FHIT: variants seen among roughly 807,000 people sequenced by gnomAD.
FHIT encodes fragile histidine triad diadenosine triphosphatase.
Under a neutral mutation model 17.9 loss-of-function variants are expected in FHIT, and 19 were observed. The observed-to-expected ratio is 1.06, with a 90% confidence interval of 0.74 to 1.56. FHIT has a LOEUF of 1.56. FHIT is among the 40% of genes most tolerant of loss of function. The probability of loss-of-function intolerance (pLI) is 0.00; values close to 1 mark genes in which losing one functional copy is unlikely to be tolerated. For synonymous variants in FHIT, 81 were observed against 69.7 expected (o/e 1.16, Z -0.81); for missense variants, 248 against 189.2 (o/e 1.31, Z -1.82).
At chr3:60,036,657 C>G (rs957268515) in intron 5 of FHIT, among the ~76,000 whole-genome samples, 4 of 152,158 alleles carry the variant, frequency 2.6e-5, no homozygotes, top group African/African-American at 9.7e-5. Flanking sequence ...CATTTCTTTT[C>G]CTCCTGGTCC....
At chr3:61,040,763 T>A (rs916298196) in intron 3 of FHIT, among the ~76,000 whole-genome samples, 1 of 152,192 alleles carries the variant, frequency 6.6e-6, no homozygotes, top group Non-Finnish European at 1.5e-5. Context: ...ATCCCATCCC[T>A]ATTCAGTTAT....
chr3:60,547,413 C>A (rs777493058), intron 4 of FHIT, among the ~76,000 whole-genome samples: 15 of 152,076 alleles, frequency 9.9e-5, no homozygotes, highest in Non-Finnish European at 1.9e-4. Flanking sequence ...TAATTGAACC[C>A]TACTCTCTCT....
chr3:60,443,535 T>C (rs977788343), intron 5 of FHIT, among the ~76,000 whole-genome samples: 1 of 152,198 alleles, frequency 6.6e-6, no homozygotes, highest in Non-Finnish European at 1.5e-5. Context: ...GATAATTATG[T>C]GGTTTTTGTC....
Position 61,154,045 on chromosome 3 carries a change from T to A in FHIT, c.-164+46572A>T, listed in dbSNP as rs1280249335. Among the ~76,000 whole-genome samples the A allele has an allele frequency of 2.6e-5, 4 of 152,228 alleles. No homozygotes were observed. The East Asian group carries it at 7.7e-4, about 29-fold the overall frequency. On this transcript the variant is annotated intron_variant, in intron 2 of 9. Coordinates refer to ENST00000492590, the MANE Select transcript of FHIT (RefSeq NM_002012.4). ...CCTCTGCTCCCAACTTGAAGAAATT[T>A]CAACTGCTCTATTCTTTCCACAACT...
At chr3:60,341,475 T>C (rs1710512804) in intron 5 of FHIT, among the ~76,000 whole-genome samples, 1 of 152,148 alleles carries the variant, frequency 6.6e-6, no homozygotes, top group Non-Finnish European at 1.5e-5. Flanking sequence ...ATGAGAAAAA[T>C]GTGTTTCTAT....
chr3:59,857,705 G>GTTTT (rs78150569), intron 8 of FHIT, among the ~76,000 whole-genome samples: 24 of 115,400 alleles, frequency 2.1e-4, no homozygotes, highest in African/African-American at 7.6e-4. Context: ...AAAGTGCTGG[G>GTTTT]TTTTTTTTTT....
At chr3:59,841,751 T>C (rs753858195) in intron 8 of FHIT, among the ~76,000 whole-genome samples, 5 of 152,122 alleles carry the variant, frequency 3.3e-5, no homozygotes, top group Non-Finnish European at 5.9e-5. Context: ...TTTAAAACTA[T>C]CTTTTTAATA....
intron 4 of FHIT, among the ~76,000 whole-genome samples, chr3:60,546,638 C>T (rs2036375472): frequency 6.6e-6 from 1 of 152,192 alleles, no homozygotes; most frequent in South Asian, 2.1e-4. Flanking sequence ...CCACCTGCTT[C>T]TTTTGAATCT....
intron 5 of FHIT, among the ~76,000 whole-genome samples, chr3:60,406,732 C>G (rs778564233): frequency 1.3e-5 from 2 of 152,068 alleles, no homozygotes; most frequent in Non-Finnish European, 2.9e-5. Flanking sequence ...TTTCCAGCAG[C>G]CCAACCATTC....
At chr3:60,290,386 A>T (rs1420721341) in intron 5 of FHIT, among the ~76,000 whole-genome samples, 1 of 152,038 alleles carries the variant, frequency 6.6e-6, no homozygotes, top group Non-Finnish European at 1.5e-5. Flanking sequence ...AATGACTGTG[A>T]CTTCATCCTT....
At position 60,873,953 on chromosome 3, in the gene FHIT, T is replaced by C. The variant is rs1704531541; in HGVS notation, c.-110-51942A>G. Among the ~76,000 whole-genome samples the C allele has an allele frequency of 3.9e-5, 6 of 152,274 alleles. No homozygotes were observed. In the South Asian group the frequency reaches 1.2e-3, roughly 32 times the overall value. ...AATTTGTCACTCCTAAGCAAGTGCCTATAGTAAAAATAAAATATCACTATT... is the reference window on the plus strand; with the variant it reads ...AATTTGTCACTCCTAAGCAAGTGCCCATAGTAAAAATAAAATATCACTATT... On this transcript the variant is annotated intron_variant, in intron 3 of 9. Transcript: ENST00000492590.
intron 5 of FHIT, among the ~76,000 whole-genome samples, chr3:60,123,524 G>C (rs1299219192): frequency 6.6e-6 from 1 of 152,124 alleles, no homozygotes; most frequent in Non-Finnish European, 1.5e-5. Context: ...AAGCAAATGT[G>C]TTATATACTC....
chr3:61,102,374 T>C (rs1378097580), intron 2 of FHIT, among the ~76,000 whole-genome samples: 1 of 152,246 alleles, frequency 6.6e-6, no homozygotes, highest in Non-Finnish European at 1.5e-5. Context: ...TTTGCGTATG[T>C]TGAACCAGCC....
intron 5 of FHIT, among the ~76,000 whole-genome samples, chr3:60,481,682 A>G (rs1164555032): frequency 2.6e-5 from 4 of 152,246 alleles, no homozygotes; most frequent in African/African-American, 9.6e-5. Flanking sequence ...GAAGCACTAA[A>G]TAAGGAAAGG....
intron 5 of FHIT, among the ~76,000 whole-genome samples, chr3:60,176,249 G>C (rs1238307163): frequency 6.6e-6 from 1 of 152,264 alleles, no homozygotes; most frequent in East Asian, 1.9e-4. Context: ...CTACTCAGGA[G>C]GCTGAGGCAG....
chr3:60,528,430 GA>G, intron 5 of FHIT, among the ~76,000 whole-genome samples: 1 of 129,712 alleles, frequency 7.7e-6, no homozygotes, highest in Non-Finnish European at 1.5e-5. Context: ...AGAAAGGAAG[GA>G]AGGAAAAAAG....
At chr3:60,600,665 C>G (rs1365468672) in intron 4 of FHIT, among the ~76,000 whole-genome samples, 1 of 152,096 alleles carries the variant, frequency 6.6e-6, no homozygotes, top group Non-Finnish European at 1.5e-5. Context: ...GGTAAGTAGA[C>G]AGATTTCTGA....
rs929932867 is a variant in FHIT, at chr3:60,378,181, T to C, written c.103+158679A>G. ...AGCTGGGACTACAGACGCCTGCCAC[T>C]ATGCCCGGCTAATTTTTTGTATTTT... On this transcript the variant is annotated intron_variant, in intron 5 of 9. Transcript: ENST00000492590. 4.6e-5 allele frequency among the ~76,000 whole-genome samples: 7 copies of C among 151,604 alleles called. No individual in the cohort carries two copies. The East Asian group carries it at 1.2e-3, about 26-fold the overall frequency.
At chr3:59,904,006 C>T (rs1008713400) in intron 8 of FHIT, among the ~76,000 whole-genome samples, 1 of 151,986 alleles carries the variant, frequency 6.6e-6, no homozygotes, top group African/African-American at 2.4e-5. Flanking sequence ...TAGTTAGGGC[C>T]TGAAGAAAGA....
Sources: gnomAD v4.1 joint callset for allele counts (sites outside exome capture counted in the v4.1 genomes callset) on GRCh38, gnomAD v4.1.1 for gene constraint, MANE v1.5 for transcripts, NCBI Gene and HGNC (gene_info 2026-07-23, HGNC 2026-07-21) for gene names.